PAPPA: variants seen among roughly 807,000 people sequenced by gnomAD.
PAPPA encodes pappalysin-1.
PAPPA carries 60 observed loss-of-function variants against 164.0 expected under a neutral mutation model. That is an observed-to-expected ratio of 0.37 (90% CI 0.30 to 0.45). The LOEUF is 0.45. PAPPA is among the 20% of genes least tolerant of loss of function. PAPPA has a pLI of 1.00. For synonymous variants in PAPPA, 875 were observed against 814.1 expected, an observed-to-expected ratio of 1.07 and a Z score of -1.27; for missense variants, 1,782 against 2,087.3, an observed-to-expected ratio of 0.85 and a Z score of 2.85.
At chr9:116,346,977 T>C (rs778266279) in intron 14 of PAPPA, 49 bp from the exon 15 acceptor site, 2 of 1,510,692 alleles carry the variant, frequency 1.3e-6, no homozygotes, top group Non-Finnish European at 1.8e-6. Context: ...TTTCTCCACA[T>C]CTAGAGCTCA....
At chr9:116,381,740 T>C (rs1846734182) in intron 20 of PAPPA, among the ~76,000 whole-genome samples, 1 of 152,216 alleles carries the variant, frequency 6.6e-6, no homozygotes, top group Non-Finnish European at 1.5e-5. Flanking sequence ...TCCCTGTCTT[T>C]GAGTCTCCGC....
intron 9 of PAPPA, among the ~76,000 whole-genome samples, chr9:116,300,326 G>A (rs1475226684): frequency 1.3e-5 from 2 of 151,596 alleles, no homozygotes; most frequent in Non-Finnish European, 2.9e-5. Context: ...CACCCAGGCT[G>A]GAGTGCAGTG....
chr9:116,379,254 T>G (rs561745946), intron 20 of PAPPA, among the ~76,000 whole-genome samples: 3 of 152,176 alleles, frequency 2.0e-5, no homozygotes, highest in Non-Finnish European at 4.4e-5. Flanking sequence ...AATAGTGCCT[T>G]GTCTGGAGCT....
At chr9:116,364,679 A>G (rs1277764178) in intron 18 of PAPPA, among the ~76,000 whole-genome samples, 1 of 152,180 alleles carries the variant, frequency 6.6e-6, no homozygotes, top group Non-Finnish European at 1.5e-5. Context: ...ACGCATTTAC[A>G]TATTTTATTC....
intron 5 of PAPPA, among the ~76,000 whole-genome samples, chr9:116,225,950 A>C (rs988838044): frequency 6.6e-6 from 1 of 152,198 alleles, no homozygotes; most frequent in Non-Finnish European, 1.5e-5. Flanking sequence ...GATGGTTATT[A>C]GATATTGACT....
intron 10 of PAPPA, among the ~76,000 whole-genome samples, chr9:116,308,587 C>T (rs1184124768): frequency 1.3e-5 from 2 of 152,206 alleles, no homozygotes; most frequent in Non-Finnish European, 2.9e-5. Flanking sequence ...AATAGAAATA[C>T]AGCTACAGGA....
At chr9:116,270,129 A>G (rs1845119922) in intron 8 of PAPPA, among the ~76,000 whole-genome samples, 2 of 152,132 alleles carry the variant, frequency 1.3e-5, no homozygotes, top group Non-Finnish European at 2.9e-5. Flanking sequence ...GCTGTCACAC[A>G]CTCTGCAGAG....
intron 9 of PAPPA, among the ~76,000 whole-genome samples, chr9:116,294,785 T>C (rs1845481060): frequency 6.6e-6 from 1 of 152,238 alleles, no homozygotes; most frequent in African/African-American, 2.4e-5. Flanking sequence ...AAACTTAAAA[T>C]ATGCTACTTT....
intron 2 of PAPPA, among the ~76,000 whole-genome samples, chr9:116,192,691 G>GA (rs1310260385): frequency 5.3e-5 from 8 of 152,186 alleles, no homozygotes; most frequent in African/African-American, 1.9e-4. Context: ...TAGCCAGTTA[G>GA]AAAAAAGACA....
intron 7 of PAPPA, among the ~76,000 whole-genome samples, chr9:116,259,663 G>A (rs1223729124): frequency 6.6e-6 from 1 of 152,152 alleles, no homozygotes; most frequent in African/African-American, 2.4e-5. Context: ...TGCTGACAAG[G>A]ACCAGCACTT....
intron 2 of PAPPA, among the ~76,000 whole-genome samples, chr9:116,197,416 T>C (rs1844121646): frequency 6.6e-6 from 1 of 152,192 alleles, no homozygotes; most frequent in African/African-American, 2.4e-5. Context: ...CTATGACAAG[T>C]TGAAAAAAAA....
intron 14 of PAPPA, among the ~76,000 whole-genome samples, chr9:116,345,904 C>T (rs1846201490): frequency 6.6e-6 from 1 of 152,150 alleles, no homozygotes; most frequent in African/African-American, 2.4e-5. Context: ...GTAGCATTTT[C>T]CAGGGCTGGT....
intron 4 of PAPPA, among the ~76,000 whole-genome samples, chr9:116,214,732 A>G (rs892272766): frequency 6.6e-6 from 1 of 152,166 alleles, no homozygotes; most frequent in African/African-American, 2.4e-5. Flanking sequence ...AGGCTACAAG[A>G]GTTCCTGGAG....
At chr9:116,163,139 C>T (rs771213466) in intron 1 of PAPPA, among the ~76,000 whole-genome samples, 2 of 152,188 alleles carry the variant, frequency 1.3e-5, no homozygotes, top group Admixed American at 6.5e-5. Context: ...AGAAACATCT[C>T]CGCCCTCAGG....
At chr9:116,257,477 G>T (rs34050370) in intron 7 of PAPPA, among the ~76,000 whole-genome samples, 25,929 of 151,798 alleles carry the variant, frequency 0.17, 2,420 homozygotes, top group Middle Eastern at 0.29. Context: ...AAGGCGGGTG[G>T]ATCATGAGGT....
intron 9 of PAPPA, among the ~76,000 whole-genome samples, chr9:116,298,811 G>A (rs1845542934): frequency 6.6e-6 from 1 of 152,174 alleles, no homozygotes; most frequent in African/African-American, 2.4e-5. Flanking sequence ...GAAATTTACT[G>A]TATTATTATC....
intron 19 of PAPPA, among the ~76,000 whole-genome samples, chr9:116,373,897 C>G (rs1846609787): frequency 6.6e-6 from 1 of 151,936 alleles, no homozygotes; most frequent in Non-Finnish European, 1.5e-5. Flanking sequence ...AAACCAGAGT[C>G]AAAAATAGTA....
At chr9:116,279,764 T>C (rs1300150660) in intron 9 of PAPPA, among the ~76,000 whole-genome samples, 1 of 152,218 alleles carries the variant, frequency 6.6e-6, no homozygotes, top group Non-Finnish European at 1.5e-5. Flanking sequence ...TGTGCAGTTA[T>C]GACTGAGGCG....
chr9:116,387,223 G>A lies in PAPPA; in HGVS notation c.4776+4730G>A, dbSNP rs551936737. 3.3e-5 allele frequency among the ~76,000 whole-genome samples: 5 copies of A among 152,282 alleles called. No homozygotes were observed. In the South Asian group the frequency reaches 1.0e-3, roughly 32 times the overall value. On this transcript the variant is annotated intron_variant, in intron 21 of 21. Coordinates refer to ENST00000328252, the MANE Select transcript of PAPPA (RefSeq NM_002581.5). ...AACTCCAGAATAATTCAGCCAAGTA[G>A]AGCACTGAGGTTGAGGGAAATGGAA...
Sources: allele counts gnomAD v4.1 joint callset (sites outside exome capture counted in the v4.1 genomes callset), GRCh38; gene constraint gnomAD v4.1.1; transcripts MANE v1.5; gene names NCBI Gene and HGNC (gene_info 2026-07-23, HGNC 2026-07-21).